The following CDH9 variants were observed in gnomAD, a reference collection of about 807,000 sequenced individuals.
CDH9 encodes the protein cadherin 9.
In CDH9, 28 loss-of-function variants were observed where a neutral mutation model predicts 70.9. The ratio of observed to expected loss-of-function variants is 0.40; its 90% CI spans 0.29 to 0.54. The LOEUF is 0.54. Among genes scored for constraint, CDH9 ranks in the 20% least tolerant of loss-of-function variants. The probability of loss-of-function intolerance (pLI) is 0.59; values close to 1 mark genes in which losing one functional copy is unlikely to be tolerated. For missense variants in CDH9, 874 were observed against 984.4 expected, an observed-to-expected ratio of 0.89 and a Z score of 1.50; for synonymous variants, 409 against 343.1, an observed-to-expected ratio of 1.19 and a Z score of -2.12.
chr5:27,002,969 A>G (rs1393023455), intron 1 of CDH9, among the ~76,000 whole-genome samples: 2 of 152,126 alleles, frequency 1.3e-5, no homozygotes, highest in Non-Finnish European at 2.9e-5. Flanking sequence ...AGACAAAAAA[A>G]AGAAGCATTG....
At chr5:27,033,866 A>AT (rs1743349089) in intron 1 of CDH9, among the ~76,000 whole-genome samples, 1 of 151,578 alleles carries the variant, frequency 6.6e-6, no homozygotes, top group African/African-American at 2.4e-5. Flanking sequence ...TAAAAGCAGT[A>AT]TATTTTATAT....
At chr5:26,945,977 T>G (rs1741745970) in intron 2 of CDH9, among the ~76,000 whole-genome samples, 1 of 152,024 alleles carries the variant, frequency 6.6e-6, no homozygotes, top group Admixed American at 6.6e-5. Flanking sequence ...TAAGAGAAAA[T>G]GAAGAAGAAA....
At chr5:27,023,963 G>T (rs756203780) in intron 1 of CDH9, among the ~76,000 whole-genome samples, 27 of 151,770 alleles carry the variant, frequency 1.8e-4, no homozygotes, top group Non-Finnish European at 2.9e-4. Flanking sequence ...GAGGTAGGAG[G>T]TTTGCTTGAA....
chr5:26,892,894 C>G (rs1471932110), intron 7 of CDH9, among the ~76,000 whole-genome samples: 1 of 151,960 alleles, frequency 6.6e-6, no homozygotes, highest in Non-Finnish European at 1.5e-5. Flanking sequence ...CCATGTCCGG[C>G]TAATTTTTTT....
In CDH9 at chr5:26,988,395, G is replaced by C; in HGVS notation, c.-49-13C>G. 1.9e-6 allele frequency: 3 copies of C among 1,561,134 alleles called. No homozygotes were observed. The highest frequency in any genetic ancestry group is 2.6e-6 in the Non-Finnish European group (3 of 1,154,902). ...TTGTTTGTTTTTCCTAAAGAGTAAG[G>C]AGAAAAAAAATGGCTGTATTAGCTT... On this transcript the variant is annotated splice_polypyrimidine_tract_variant and intron_variant, in intron 1 of 11. Transcript: ENST00000231021.
chr5:27,030,833 T>C (rs536805456), intron 1 of CDH9, among the ~76,000 whole-genome samples: 113 of 151,968 alleles, frequency 7.4e-4, no homozygotes, highest in East Asian at 2.1e-3. Flanking sequence ...ATGAATCTAG[T>C]ATATTAAATA....
chr5:26,990,649 C>T (rs1370165071), intron 1 of CDH9, among the ~76,000 whole-genome samples: 2 of 151,988 alleles, frequency 1.3e-5, no homozygotes, highest in African/African-American at 4.8e-5. Context: ...GGTCACTGGC[C>T]CAGAACATGC....
chr5:26,994,564 T>C (rs1010535853), intron 1 of CDH9, among the ~76,000 whole-genome samples: 102 of 150,988 alleles, frequency 6.8e-4, no homozygotes, highest in African/African-American at 2.4e-3. Context: ...TGTTTGTTTG[T>C]TTTGTTTTTT....
At chr5:26,931,250 G>C (rs920352412) in intron 2 of CDH9, among the ~76,000 whole-genome samples, 1 of 152,138 alleles carries the variant, frequency 6.6e-6, no homozygotes, top group Non-Finnish European at 1.5e-5. Context: ...GCTGCGAGGA[G>C]AAAACAGATC....
chr5:27,018,960 T>C (rs940502410), intron 1 of CDH9, among the ~76,000 whole-genome samples: 8 of 151,976 alleles, frequency 5.3e-5, no homozygotes, highest in Non-Finnish European at 8.8e-5. Context: ...TATTCCTTTG[T>C]CCCAAAGTAA....
At position 26,937,124 on chromosome 5, in the gene CDH9, G is replaced by A. The variant is rs1035204143; in HGVS notation, c.229-21200C>T. ...CCACACACTGAAAAATAAAATGTTAGCCAAACACACATGTGGCAAAAGACT... is the reference window on the plus strand; with the variant it reads ...CCACACACTGAAAAATAAAATGTTAACCAAACACACATGTGGCAAAAGACT... On this transcript the variant is annotated intron_variant, in intron 2 of 11. Transcript: ENST00000231021. Among the ~76,000 whole-genome samples the A allele has an allele frequency of 5.9e-5, 9 of 152,126 alleles. No individual in the cohort carries two copies. The Middle Eastern group carries it at 0.01, about 172-fold the overall frequency.
intron 2 of CDH9, among the ~76,000 whole-genome samples, chr5:26,926,915 C>T (rs1298226253): frequency 9.5e-6 from 1 of 105,112 alleles, no homozygotes; most frequent in African/African-American, 4.0e-5. Context: ...GGCAAAAATA[C>T]AGCCCCCCCC....
At chr5:26,933,848 A>G (rs1250259833) in intron 2 of CDH9, among the ~76,000 whole-genome samples, 2 of 152,068 alleles carry the variant, frequency 1.3e-5, no homozygotes, top group Non-Finnish European at 2.9e-5. Flanking sequence ...ACACATTACT[A>G]CTATTAGATA....
At chr5:27,016,601 T>C (rs540860839) in intron 1 of CDH9, among the ~76,000 whole-genome samples, 1 of 152,012 alleles carries the variant, frequency 6.6e-6, no homozygotes, top group East Asian at 1.9e-4. Flanking sequence ...AATTTTAGTA[T>C]AATTGGCAGC....
At chr5:27,025,124 T>C (rs1031506148) in intron 1 of CDH9, among the ~76,000 whole-genome samples, 1 of 152,092 alleles carries the variant, frequency 6.6e-6, no homozygotes, top group East Asian at 1.9e-4. Flanking sequence ...TCAGCCAAAA[T>C]GTGTAATCTA....
chr5:26,905,912 T>C (rs2111991754), intron 5 of CDH9, 47 bp downstream of exon 5: 1 of 1,402,892 alleles, frequency 7.1e-7, no homozygotes, highest in Non-Finnish European at 1.0e-6. Context: ...CGGCTACTAG[T>C]GTATTTGAGA....
At chr5:27,012,118 G>A (rs191757330) in intron 1 of CDH9, among the ~76,000 whole-genome samples, 55 of 151,946 alleles carry the variant, frequency 3.6e-4, no homozygotes, top group Non-Finnish European at 5.4e-4. Flanking sequence ...CAGATGTTCA[G>A]TTTCCTTACA....
At chr5:26,967,119 T>C in intron 2 of CDH9, among the ~76,000 whole-genome samples, 1 of 151,452 alleles carries the variant, frequency 6.6e-6, no homozygotes, top group South Asian at 2.1e-4. Flanking sequence ...TTATTTTTAT[T>C]TTATTTTATT....
At chr5:26,934,456 C>G (rs748833513) in intron 2 of CDH9, among the ~76,000 whole-genome samples, 1 of 152,122 alleles carries the variant, frequency 6.6e-6, no homozygotes, top group African/African-American at 2.4e-5. Flanking sequence ...CAGAACAAGA[C>G]CCATCTCAAA....
Sources: gnomAD v4.1 joint callset for allele counts (sites outside exome capture counted in the v4.1 genomes callset) on GRCh38, gnomAD v4.1.1 for gene constraint, MANE v1.5 for transcripts, NCBI Gene and HGNC (gene_info 2026-07-23, HGNC 2026-07-21) for gene names.